The following CSMD1 variants were observed in gnomAD, a reference collection of about 807,000 sequenced individuals.
CSMD1 encodes CUB and Sushi multiple domains 1, also known as CUB and sushi domain-containing protein 1.
CSMD1 carries 213 observed loss-of-function variants against 417.5 expected under a neutral mutation model. The ratio of observed to expected loss-of-function variants is 0.51; its 90% CI spans 0.46 to 0.57. The LOEUF is 0.57. Ranked by LOEUF, CSMD1 falls within the 20% of genes least tolerant of loss-of-function variation. CSMD1 has a pLI of 0.00. For synonymous variants in CSMD1, 2,862 were observed against 1,736.8 expected (o/e 1.65, Z -16.11); for missense variants, 6,923 against 4,529.7 (o/e 1.53, Z -15.17).
At chr8:2,991,568 C>A (rs1041375190) in intron 54 of CSMD1, among the ~76,000 whole-genome samples, 6 of 152,042 alleles carry the variant, frequency 3.9e-5, no homozygotes, top group Admixed American at 2.6e-4. Flanking sequence ...TAACAACAGA[C>A]GTGGTTCAAA....
chr8:3,700,942 C>T (rs961846842), intron 7 of CSMD1, among the ~76,000 whole-genome samples: 11 of 151,654 alleles, frequency 7.3e-5, no homozygotes, highest in African/African-American at 2.2e-4. Context: ...GGGACTTTGT[C>T]AGGGCAGGGA....
At chr8:3,309,208 T>C (rs62504430) in intron 23 of CSMD1, among the ~76,000 whole-genome samples, 25,451 of 152,078 alleles carry the variant, frequency 0.17, 2,196 homozygotes, top group Admixed American at 0.2. Context: ...CTATCGGCAC[T>C]GCCAGGGTGC....
At chr8:3,604,506 G>C (rs748425608) in intron 8 of CSMD1, among the ~76,000 whole-genome samples, 1 of 152,104 alleles carries the variant, frequency 6.6e-6, no homozygotes, top group Admixed American at 6.5e-5. Context: ...GTGCTAAAGA[G>C]GAGAGCCAAT....
intron 26 of CSMD1, among the ~76,000 whole-genome samples, chr8:3,282,555 C>G (rs924211449): frequency 2.8e-5 from 4 of 144,108 alleles, no homozygotes; most frequent in African/African-American, 1.0e-4. Flanking sequence ...CAACAAAAAA[C>G]AAGAGTGATA....
intron 3 of CSMD1, among the ~76,000 whole-genome samples, chr8:4,058,081 G>T (rs534963499): frequency 6.6e-6 from 1 of 152,242 alleles, no homozygotes; most frequent in East Asian, 1.9e-4. Context: ...GAACTCATTG[G>T]TAGCTTGATG....
chr8:3,235,533 T>C (rs6558738), intron 26 of CSMD1, among the ~76,000 whole-genome samples: 87,251 of 151,740 alleles, frequency 0.58, 26,321 homozygotes, highest in Non-Finnish European at 0.67. Flanking sequence ...CATTGCACAT[T>C]AAGGATTAAA....
At chr8:4,026,048 T>A (rs1443550482) in intron 4 of CSMD1, among the ~76,000 whole-genome samples, 1 of 150,982 alleles carries the variant, frequency 6.6e-6, no homozygotes, top group East Asian at 1.9e-4. Flanking sequence ...TTCCTGCAAA[T>A]AAATAAGTAT....
At chr8:4,298,760 T>C (rs970276534) in intron 3 of CSMD1, among the ~76,000 whole-genome samples, 2 of 152,080 alleles carry the variant, frequency 1.3e-5, no homozygotes, top group Non-Finnish European at 2.9e-5. Flanking sequence ...TAAAGTGATA[T>C]TTGTGCTTTT....
At chr8:4,787,200 G>C in intron 1 of CSMD1, 1 of 450,294 alleles carries the variant, frequency 2.2e-6, no homozygotes, top group Non-Finnish European at 4.2e-6. Flanking sequence ...GCAGGGTCGC[G>C]GGGCCCCGCC....
chr8:3,239,934 A>G (rs375756685), intron 26 of CSMD1, among the ~76,000 whole-genome samples: 10,104 of 151,632 alleles, frequency 0.067, 480 homozygotes, highest in Middle Eastern at 0.096. Flanking sequence ...GAGACTCAAC[A>G]AAGAGTGAAT....
chr8:4,968,876 C>T (rs1391567680), intron 1 of CSMD1, among the ~76,000 whole-genome samples: 1 of 152,182 alleles, frequency 6.6e-6, no homozygotes, highest in Non-Finnish European at 1.5e-5. Context: ...ACACACAAAG[C>T]ATCAGTCTGT....
chr8:4,968,325 C>T (rs1026368100), intron 1 of CSMD1, among the ~76,000 whole-genome samples: 1 of 151,982 alleles, frequency 6.6e-6, no homozygotes, highest in Admixed American at 6.6e-5. Context: ...AGAACATTCA[C>T]AAGATTGTGT....
intron 2 of CSMD1, among the ~76,000 whole-genome samples, chr8:4,572,224 C>T (rs1011096886): frequency 3.3e-5 from 5 of 152,156 alleles, no homozygotes; most frequent in East Asian, 3.9e-4. Flanking sequence ...TTGGTCTTTA[C>T]ATTTTGGTAT....
intron 2 of CSMD1, among the ~76,000 whole-genome samples, chr8:4,452,411 G>A (rs149301878): frequency 2.6e-5 from 4 of 152,306 alleles, no homozygotes; most frequent in African/African-American, 9.6e-5. Context: ...AGAGGTTCAT[G>A]TTCTTACACG....
intron 3 of CSMD1, among the ~76,000 whole-genome samples, chr8:4,169,572 C>G (rs1797648977): frequency 6.6e-6 from 1 of 152,112 alleles, no homozygotes; most frequent in Non-Finnish European, 1.5e-5. Flanking sequence ...ATATTTTGCT[C>G]TTCTCAACAC....
intron 3 of CSMD1, among the ~76,000 whole-genome samples, chr8:4,058,894 G>A (rs147487691): frequency 6.6e-6 from 1 of 151,860 alleles, no homozygotes; most frequent in Non-Finnish European, 1.5e-5. Context: ...GAGAGAGAAA[G>A]TTAACAAGGA....
chr8:3,098,340 A>T (rs1815482018), intron 46 of CSMD1, among the ~76,000 whole-genome samples: 1 of 152,242 alleles, frequency 6.6e-6, no homozygotes. Context: ...AGATGAGCGA[A>T]GCTTATGATA....
intron 7 of CSMD1, among the ~76,000 whole-genome samples, chr8:3,624,893 A>T (rs545038415): frequency 6.6e-6 from 1 of 152,216 alleles, no homozygotes; most frequent in South Asian, 2.1e-4. Flanking sequence ...CAGGAGGTTT[A>T]TATCTCAGCA....
intron 3 of CSMD1, among the ~76,000 whole-genome samples, chr8:4,219,117 C>G (rs1800865480): frequency 6.6e-6 from 1 of 152,172 alleles, no homozygotes; most frequent in Admixed American, 6.5e-5. Context: ...AATGATCAGA[C>G]CCAGCCTCCT....
Sources: gnomAD v4.1 joint callset for allele counts (sites outside exome capture counted in the v4.1 genomes callset) on GRCh38, gnomAD v4.1.1 for gene constraint, MANE v1.5 for transcripts, NCBI Gene and HGNC (gene_info 2026-07-23, HGNC 2026-07-21) for gene names.